Variants in CACNA1B observed in about 807,000 individuals in gnomAD.
CACNA1B encodes voltage-dependent N-type calcium channel subunit alpha-1B.
Under a neutral mutation model 247.2 loss-of-function variants are expected in CACNA1B, and 70 were observed. The ratio of observed to expected loss-of-function variants is 0.28; its 90% confidence interval spans 0.23 to 0.35. The LOEUF is 0.35. Ranked by LOEUF, CACNA1B falls within the 10% of genes least tolerant of loss-of-function variation. The probability of loss-of-function intolerance (pLI) is 1.00; values close to 1 mark genes in which losing one functional copy is unlikely to be tolerated. For synonymous variants in CACNA1B, 1,231 were observed against 1,294.4 expected (o/e 0.95, Z 1.05); for missense variants, 2,367 against 3,197.4 (o/e 0.74, Z 6.26).
chr9:137,986,396 C>G lies in CACNA1B; in HGVS notation c.1770-17C>G, dbSNP rs577530054. On this transcript the variant is annotated splice_polypyrimidine_tract_variant and intron_variant, in intron 13 of 46. Transcript: ENST00000371372. This position sits in a 1 kb window ranked among gnomAD's most constrained non-coding sequence, Gnocchi z 6.0. ...CAGCGTCTGGAGCTGGCTCAGACCC[C>G]CTGCCTGGCCCCGCAGGTACTGGAG... 18 of 1,613,010 alleles carry G rather than the reference C, an allele frequency of 1.1e-5. No homozygotes were observed. The highest frequency in any genetic ancestry group is 1.5e-5 in the Non-Finnish European group (18 of 1,179,584).
chr9:138,076,643 G>A (rs1201337502), intron 35 of CACNA1B, among the ~76,000 whole-genome samples: 3 of 152,214 alleles, frequency 2.0e-5, no homozygotes, highest in Non-Finnish European at 4.4e-5. Context: ...GGCCATCCTG[G>A]TTTGAGAGTG....
In CACNA1B at chr9:138,045,938, C is replaced by T. The variant is rs946430885; in HGVS notation, c.3414-966C>T. Reference sequence around the variant, plus strand: ...AGGAAGAGCTTAGAGGGGCTGGGGGCGGTGGACACGCCTGCGAGGCAGGGG... The same window carrying T: ...AGGAAGAGCTTAGAGGGGCTGGGGGTGGTGGACACGCCTGCGAGGCAGGGG... On this transcript the variant is annotated intron_variant, in intron 21 of 46. Transcript: ENST00000371372. Among the ~76,000 whole-genome samples the T allele has an allele frequency of 1.1e-4, 17 of 152,146 alleles. 1 individual carries two copies. In the South Asian group the frequency reaches 1.5e-3, roughly 13 times the overall value.
intron 6 of CACNA1B, among the ~76,000 whole-genome samples, chr9:137,935,278 G>A (rs1019174581): frequency 4.0e-5 from 6 of 151,756 alleles, no homozygotes; most frequent in Non-Finnish European, 8.8e-5. Flanking sequence ...GACAGGCTCC[G>A]GCGTGTGATG....
At chr9:137,984,990 C>T (rs577681222) in intron 13 of CACNA1B, among the ~76,000 whole-genome samples, 40 of 152,286 alleles carry the variant, frequency 2.6e-4, no homozygotes, top group African/African-American at 8.9e-4. Context: ...GGCTGCACCG[C>T]GGAGGCTCCT....
intron 15 of CACNA1B, among the ~76,000 whole-genome samples, chr9:138,000,321 A>C (rs562824174): frequency 7.2e-5 from 11 of 152,114 alleles, no homozygotes; most frequent in South Asian, 2.1e-4. Flanking sequence ...GATGGTCTCG[A>C]TCTCCTGACC....
intron 6 of CACNA1B, among the ~76,000 whole-genome samples, chr9:137,930,830 A>G (rs1957599297): frequency 6.6e-6 from 1 of 151,912 alleles, no homozygotes; most frequent in South Asian, 2.1e-4. Flanking sequence ...TTTTATCATT[A>G]TATACATGTT....
Position 138,073,128 on chromosome 9 carries a change from G to A in CACNA1B, c.4675-360G>A, listed in dbSNP as rs529578154. On this transcript the variant is annotated intron_variant, in intron 32 of 46. Coordinates refer to ENST00000371372, the MANE Select transcript of CACNA1B (RefSeq NM_000718.4). This position sits in a 1 kb window ranked among gnomAD's most constrained non-coding sequence, Gnocchi z 6.4. Reference sequence around the variant, plus strand: ...CCAGCTTGACCGTGTCCTGCAAGAGGTGGTCACTGCTGGAGGCCCAGCCAC... The same window carrying A: ...CCAGCTTGACCGTGTCCTGCAAGAGATGGTCACTGCTGGAGGCCCAGCCAC... Among the ~76,000 whole-genome samples the A allele has an allele frequency of 5.9e-5, 9 of 152,338 alleles. No individual in the cohort carries two copies. The East Asian group carries it at 1.7e-3, about 29-fold the overall frequency.
At chr9:137,941,761 G>C (rs1259973341) in intron 6 of CACNA1B, among the ~76,000 whole-genome samples, 1 of 152,198 alleles carries the variant, frequency 6.6e-6, no homozygotes, top group Non-Finnish European at 1.5e-5. Flanking sequence ...ATGGTGTTGG[G>C]ATAATTGGCA....
intron 15 of CACNA1B, among the ~76,000 whole-genome samples, chr9:137,993,903 A>C (rs1958465163): frequency 1.3e-5 from 2 of 152,192 alleles, no homozygotes; most frequent in African/African-American, 4.8e-5. Flanking sequence ...AAGAAAGAAA[A>C]CTACAGACCA....
chr9:138,001,685 A>G (rs1958579582), intron 15 of CACNA1B, among the ~76,000 whole-genome samples: 1 of 152,178 alleles, frequency 6.6e-6, no homozygotes, highest in African/African-American at 2.4e-5. Flanking sequence ...AATATATTAG[A>G]TATAATAAGA....
rs1190244158 is a variant in CACNA1B, at chr9:138,075,358, G to T, written c.4858-461G>T. On this transcript the variant is annotated intron_variant, in intron 34 of 46. Coordinates refer to ENST00000371372, the MANE Select transcript of CACNA1B (RefSeq NM_000718.4). ...AGATTTTGGGCTGAGTACAATTACT[G>T]ACCCATTTGCATTTCTTACTGTGGA... is the stretch of plus-strand genomic sequence containing the variant. Among the ~76,000 whole-genome samples, 6 of 152,174 alleles carry T rather than the reference G, an allele frequency of 3.9e-5. No individual in the cohort carries two copies. The East Asian group carries it at 9.6e-4, about 24-fold the overall frequency.
chr9:138,079,022 G>A (rs1017565174), intron 36 of CACNA1B, among the ~76,000 whole-genome samples: 7 of 152,150 alleles, frequency 4.6e-5, no homozygotes, highest in Admixed American at 2.6e-4. Context: ...ACGAGTTGTC[G>A]TTAGTGTTCG....
Position 137,893,629 on chromosome 9 carries a change from C to T in CACNA1B, c.530+10746C>T, listed in dbSNP as rs566389911. 7.5e-5 allele frequency among the ~76,000 whole-genome samples: 11 copies of T among 147,486 alleles called. No homozygotes were observed. The East Asian group carries it at 1.6e-3, about 21-fold the overall frequency. On this transcript the variant is annotated intron_variant, in intron 3 of 46. Transcript: ENST00000371372. ...TCGCGCCATTGCACTCCAGCCTGGG[C>T]GACAGAGTGAGACTCTGTCTCAAAA... is the stretch of plus-strand genomic sequence containing the variant.
chr9:137,923,058 G>T (rs988393538), intron 6 of CACNA1B, among the ~76,000 whole-genome samples: 1 of 152,210 alleles, frequency 6.6e-6, no homozygotes, highest in Non-Finnish European at 1.5e-5. Context: ...GGTACTGGCT[G>T]CTTTCACTCA....
intron 3 of CACNA1B, among the ~76,000 whole-genome samples, chr9:137,896,201 T>G (rs558274911): frequency 8.0e-4 from 111 of 139,416 alleles, no homozygotes; most frequent in African/African-American, 2.9e-3. Context: ...ATTGCACCAC[T>G]GCAGTCCAGC....
chr9:137,970,538 A>G (rs1248614768), intron 10 of CACNA1B, among the ~76,000 whole-genome samples: 2 of 152,232 alleles, frequency 1.3e-5, no homozygotes, highest in African/African-American at 4.8e-5. Flanking sequence ...GAACAGGTCA[A>G]CAATAAAACA....
chr9:137,893,598 C>G (rs571813293), intron 3 of CACNA1B, among the ~76,000 whole-genome samples: 91 of 151,054 alleles, frequency 6.0e-4, no homozygotes, highest in Non-Finnish European at 1.5e-4. Context: ...TTGCAGTGAG[C>G]TGAGATCGCG....
chr9:138,044,990 G>A (rs1959170394), intron 21 of CACNA1B, among the ~76,000 whole-genome samples: 1 of 152,234 alleles, frequency 6.6e-6, no homozygotes, highest in African/African-American at 2.4e-5. Flanking sequence ...GTGTGGAAAT[G>A]GAAACACAGG....
Position 138,012,830 on chromosome 9 carries a change from C to T in CACNA1B, c.2161-299C>T, listed in dbSNP as rs1025676035. Among the ~76,000 whole-genome samples the T allele has an allele frequency of 1.1e-4, 16 of 151,938 alleles. No homozygotes were observed. Among genetic ancestry groups the T allele is most frequent in the African/African-American group, 3.1e-4 (13 of 41,336 alleles). ...GGTCAGGATAGCACAGAGGTGAGGC[C>T]GTCGCCTCCAGGGAGACGGCACAAG... On this transcript the variant is annotated intron_variant, in intron 17 of 46. Coordinates refer to ENST00000371372, the MANE Select transcript of CACNA1B (RefSeq NM_000718.4). This position sits in a 1 kb window ranked among gnomAD's most constrained non-coding sequence, Gnocchi z 4.2.
Sources: allele counts gnomAD v4.1 joint callset (sites outside exome capture counted in the v4.1 genomes callset), GRCh38; gene constraint gnomAD v4.1.1; non-coding constraint Gnocchi (gnomAD v3.1); transcripts MANE v1.5; gene names NCBI Gene and HGNC (gene_info 2026-07-23, HGNC 2026-07-21).